The following RAPGEFL1 variants were observed in gnomAD, a reference collection of about 807,000 sequenced individuals.
The protein encoded by RAPGEFL1 is Rap guanine nucleotide exchange factor like 1.
In RAPGEFL1, 31 loss-of-function variants were observed where a neutral mutation model predicts 64.4. That is an observed-to-expected ratio of 0.48 (90% CI 0.36 to 0.65). The LOEUF (loss-of-function observed/expected upper bound fraction) is 0.65. Ranked by LOEUF, RAPGEFL1 falls within the 30% of genes least tolerant of loss-of-function variation. The pLI is 0.00. For missense variants in RAPGEFL1, 682 were observed against 677.4 expected, an observed-to-expected ratio of 1.01 and a Z score of -0.08; for synonymous variants, 331 against 274.1, an observed-to-expected ratio of 1.21 and a Z score of -2.05.
At position 40,193,487 on chromosome 17, in the gene RAPGEFL1, T is replaced by G; in HGVS notation, c.1864+70T>G. 10 of 1,590,470 alleles carry G rather than the reference T, an allele frequency of 6.3e-6. No homozygotes were observed. In the South Asian group the frequency reaches 9.9e-5, roughly 16 times the overall value. ...TGAACGGGAGGGTTCAGGGGAGAAC[T>G]CCCTGTCCAGATGTGTATTTCCATA... is the stretch of plus-strand genomic sequence containing the variant. On this transcript the variant is annotated intron_variant, in intron 14 of 14. Transcript: ENST00000620260.
intron 8 of RAPGEFL1, 161 bp downstream of exon 8, chr17:40,190,923 CAAAG>C (rs2145222277): frequency 2.6e-6 from 3 of 1,156,526 alleles, no homozygotes; most frequent in Non-Finnish European, 3.6e-6. Context: ...AAAAAAATCG[CAAAG>C]AGAGAGACCC....
chr17:40,192,528 G>A, intron 11 of RAPGEFL1, 78 bp from the exon 12 acceptor site: 1 of 1,254,256 alleles, frequency 8.0e-7, no homozygotes, highest in Non-Finnish European at 1.2e-6. Flanking sequence ...CAAGGCAGGG[G>A]GTGAGGGAGG....
chr17:40,180,863 C>G (rs1989872993), intron 1 of RAPGEFL1, among the ~76,000 whole-genome samples: 1 of 152,224 alleles, frequency 6.6e-6, no homozygotes, highest in Non-Finnish European at 1.5e-5. Flanking sequence ...ACACCTGGCT[C>G]CCTCCCTGCA....
chr17:40,182,605 C>G (rs2145204338), intron 2 of RAPGEFL1, among the ~76,000 whole-genome samples: 1 of 152,354 alleles, frequency 6.6e-6, no homozygotes, highest in African/African-American at 2.4e-5. Context: ...TGAGCCACTG[C>G]GCCCAGCCAA....
Position 40,191,691 on chromosome 17 carries a change from T to C in RAPGEFL1, c.1605+19T>C. 6.3e-7 allele frequency: 1 copy of C among 1,599,920 alleles called. No individual in the cohort carries two copies. Among genetic ancestry groups the C allele is most frequent in the Non-Finnish European group, 8.5e-7 (1 of 1,172,760 alleles). On this transcript the variant is annotated intron_variant, in intron 10 of 14. Coordinates refer to ENST00000620260, the MANE Select transcript of RAPGEFL1 (RefSeq NM_016339.6). This position sits in a 1 kb window ranked among gnomAD's most constrained non-coding sequence, Gnocchi z 5.1. ...CTGGGAGGTGATGAGACCCCTCCCG[T>C]TCCTACCTGGGAATCTGGGCATCCC...
chr17:40,186,367 G>A (rs1389288648), intron 4 of RAPGEFL1, among the ~76,000 whole-genome samples: 2 of 148,466 alleles, frequency 1.3e-5, no homozygotes, highest in African/African-American at 5.0e-5. Flanking sequence ...AGGAGATCGA[G>A]ACCATCCTGG....
upstream of RAPGEFL1, chr17:40,177,301 C>T (rs1177271509): frequency 8.5e-6 from 6 of 702,562 alleles, no homozygotes; most frequent in Admixed American, 2.0e-5. Context: ...CTCTGACTTA[C>T]CTTTGCCCTT....
rs1990281594 is a variant in RAPGEFL1 at position 40,191,756 on chromosome 17, C to CTGGAGGGAGTCTTTGCGCCAGT, written c.1605+94_1605+115dup. 4.4e-6 allele frequency: 6 copies of CTGGAGGGAGTCTTTGCGCCAGT among 1,376,222 alleles called. No individual in the cohort carries two copies. The highest frequency in any genetic ancestry group is 6.1e-6 in the Non-Finnish European group (6 of 988,732). The allele number at this position is 1,376,222 out of a possible 1,614,324, so 85.3% of individuals were successfully genotyped here. The stretch of plus-strand genomic sequence containing the variant: ...GCGTCCTCCCGGGACGGCCGCCGGC[C>CTGGAGGGAGTCTTTGCGCCAGT]TGGAGGGAGTCTTTGCGCCAGTTGG... On this transcript the variant is annotated intron_variant, in intron 10 of 14. Transcript: ENST00000620260. This position sits in a 1 kb window ranked among gnomAD's most constrained non-coding sequence, Gnocchi z 5.1.
chr17:40,182,037 C>T (rs187880222), intron 2 of RAPGEFL1, among the ~76,000 whole-genome samples: 46 of 151,796 alleles, frequency 3.0e-4, no homozygotes, highest in African/African-American at 1.1e-3. Flanking sequence ...GAGCCGAGAT[C>T]GCGTCACTAC....
chr17:40,184,085 C>T (rs1989984070), intron 2 of RAPGEFL1, 129 bp from the exon 3 acceptor site: 2 of 755,814 alleles, frequency 2.6e-6, no homozygotes, highest in Admixed American at 2.1e-5. Context: ...CTCAGGTGAT[C>T]CGCCCGCCTC....
chr17:40,177,961 C>T lies in RAPGEFL1; in HGVS notation c.100C>T (p.Pro34Ser). The change falls in exon 1 of 15, where the codon CCT becomes TCT. Residue 34 changes from proline to serine, a missense_variant. Pro to Ser is a moderately conservative substitution (Grantham distance 74). This residue lies in a region of RAPGEFL1 where 271 missense variants were observed against 158.0 expected (regional missense o/e 1.72). Transcript: ENST00000620260. ...PGGGLGSCGG[P>S]GGGGGPGGGG... ...CGGGGGTCTGGGGAGCTGCGGTGGG[C>T]CTGGAGGGGGTGGGGGACCCGGCGG... The T allele has an allele frequency of 2.1e-6, 1 of 470,056 alleles. No homozygotes were observed. Among genetic ancestry groups the T allele is most frequent in the Non-Finnish European group, 3.8e-6 (1 of 264,696 alleles). The allele number at this position is 470,056 out of a possible 1,614,324, so 29.1% of individuals were successfully genotyped here.
In RAPGEFL1 at chr17:40,191,573, C is replaced by A; in HGVS notation, c.1515-9C>A. On this transcript the variant is annotated splice_polypyrimidine_tract_variant and intron_variant, in intron 9 of 14. Transcript: ENST00000620260. This position sits in a 1 kb window ranked among gnomAD's most constrained non-coding sequence, Gnocchi z 5.1. ...CGCCCGCCCCTGACCCCGCCTCCCA[C>A]CCCCGCAGCTGCAAGCAGAACCAGG... 6.2e-7 allele frequency: 1 copy of A among 1,601,230 alleles called. No homozygotes were observed. Among genetic ancestry groups the A allele is most frequent in the Non-Finnish European group, 8.5e-7 (1 of 1,175,166 alleles).
At position 40,177,854 on chromosome 17, in the gene RAPGEFL1, G is replaced by A; in HGVS notation, c.-8G>A. The A allele has an allele frequency of 4.7e-6, 2 of 428,180 alleles. No homozygotes were observed. Among genetic ancestry groups the A allele is most frequent in the South Asian group, 5.8e-5 (1 of 17,338 alleles). 26.5% of individuals were successfully genotyped at this position (428,180 alleles called of 1,614,324 possible). A position where few individuals can be genotyped will look rare whatever the true frequency, so the allele number is the denominator to read the frequency against. On this transcript the variant is annotated 5_prime_UTR_variant, in exon 1 of 15. Transcript: ENST00000620260. ...CCGGCGACCCCTAGGAGAGGGGCGG[G>A]GGGGGGCATGAAGCCGCTGGAGAAA...
intron 4 of RAPGEFL1, among the ~76,000 whole-genome samples, chr17:40,185,370 C>G (rs922340414): frequency 1.3e-5 from 2 of 151,964 alleles, no homozygotes; most frequent in Non-Finnish European, 2.9e-5. Flanking sequence ...CTCCACCATA[C>G]AGTAGATGTA....
upstream of RAPGEFL1, chr17:40,177,462 T>G (rs1989742367): frequency 6.3e-6 from 4 of 638,594 alleles, no homozygotes; most frequent in South Asian, 5.1e-5. Flanking sequence ...GCGGTCTCGG[T>G]TCTGCCACCT....
Position 40,191,403 on chromosome 17 carries a change from G to C in RAPGEFL1, c.1423G>C (p.Val475Leu). The part of the protein sequence containing the change: ...LELLLQRCSE[V>L]THWVATEVLL... Reference sequence around the variant, plus strand: ...GCTGCTGCTGCAGCGCTGCAGCGAGGTCACGCACTGGGTGGCCACCGAAGT... The same window carrying C: ...GCTGCTGCTGCAGCGCTGCAGCGAGCTCACGCACTGGGTGGCCACCGAAGT... Residue 475 changes from valine to leucine, a missense_variant, in exon 9 of 15, where the codon GTC (valine) becomes CTC (leucine). By Grantham distance (32) the Val-to-Leu change is conservative. Around this residue, in one of 2 missense-constraint regions of RAPGEFL1, gnomAD observed 411 missense variants for 519.4 expected, o/e 0.79. Transcript: ENST00000620260. This position sits in a 1 kb window ranked among gnomAD's most constrained non-coding sequence, Gnocchi z 5.1. 1 of 1,603,298 alleles carries C rather than the reference G, an allele frequency of 6.2e-7. No homozygotes were observed. The highest frequency in any genetic ancestry group is 1.3e-5 in the African/African-American group (1 of 74,638).
intron 4 of RAPGEFL1, chr17:40,188,604 T>C (rs1011958460): frequency 4.0e-5 from 20 of 497,282 alleles, no homozygotes; most frequent in Non-Finnish European, 6.6e-5. Context: ...TGTTCTATAG[T>C]AGTTGAGAGA....
At position 40,191,874 on chromosome 17, in the gene RAPGEFL1, C is replaced by A. The variant is rs973515970; in HGVS notation, c.1605+202C>A. Among the ~76,000 whole-genome samples, 1 of 152,236 alleles carries A rather than the reference C, an allele frequency of 6.6e-6. No individual in the cohort carries two copies. Among genetic ancestry groups the A allele is most frequent in the African/African-American group, 2.4e-5 (1 of 41,464 alleles). On this transcript the variant is annotated intron_variant, in intron 10 of 14. Transcript: ENST00000620260. This position sits in a 1 kb window ranked among gnomAD's most constrained non-coding sequence, Gnocchi z 5.1. ...GTGCAAATTAGTGAAAAGCCCGGAT[C>A]CCGCCTGAGTCACGGCAGGCAGCCC...
chr17:40,183,612 C>T (rs190510535), intron 2 of RAPGEFL1, among the ~76,000 whole-genome samples: 7 of 150,252 alleles, frequency 4.7e-5, no homozygotes, highest in Admixed American at 2.7e-4. Flanking sequence ...CTCCGCCTCC[C>T]GGGTTCAAGT....
Sources: allele counts gnomAD v4.1 joint callset (sites outside exome capture counted in the v4.1 genomes callset), GRCh38; gene constraint gnomAD v4.1.1; regional missense constraint gnomAD v4.1.1; non-coding constraint Gnocchi (gnomAD v3.1); transcripts MANE v1.5; gene names NCBI Gene and HGNC (gene_info 2026-07-23, HGNC 2026-07-21).